The following SLC8A1 variants were observed in gnomAD, a reference collection of about 807,000 sequenced individuals.
The protein encoded by SLC8A1 is sodium/calcium exchanger 1.
Under a neutral mutation model 68.3 loss-of-function variants are expected in SLC8A1, and 18 were observed. That is an observed-to-expected ratio of 0.26 (90% confidence interval 0.18 to 0.39). The LOEUF (loss-of-function observed/expected upper bound fraction) is 0.39, where lower values mean the gene tolerates loss of function less well. SLC8A1 is among the 10% of genes least tolerant of loss of function. SLC8A1 has a pLI of 1.00. For synonymous variants in SLC8A1, 475 were observed against 415.5 expected (o/e 1.14, Z -1.74); for missense variants, 985 against 1,156.7 (o/e 0.85, Z 2.15).
chr2:40,270,388 A>G (rs1325299188), intron 2 of SLC8A1, among the ~76,000 whole-genome samples: 3 of 152,256 alleles, frequency 2.0e-5, no homozygotes, highest in Non-Finnish European at 4.4e-5. Context: ...AGTCTGACAC[A>G]GGTCTTACTA....
At chr2:40,234,721 A>C (rs906566857) in intron 2 of SLC8A1, among the ~76,000 whole-genome samples, 1 of 152,192 alleles carries the variant, frequency 6.6e-6, no homozygotes, top group Non-Finnish European at 1.5e-5. Context: ...ATTCAGTATG[A>C]TAGTGGCTGT....
upstream of SLC8A1, among the ~76,000 whole-genome samples, chr2:40,454,754 G>A (rs944811602): frequency 6.6e-6 from 1 of 151,984 alleles, no homozygotes. Flanking sequence ...ATGGTTCCAG[G>A]GCCCCAAGGC....
At chr2:40,161,652 CCAAA>C (rs1421636170) in intron 5 of SLC8A1, among the ~76,000 whole-genome samples, 8 of 152,124 alleles carry the variant, frequency 5.3e-5, no homozygotes, top group Admixed American at 6.5e-5. Context: ...ACAAGAGCAG[CCAAA>C]CATTCACGAG....
At chr2:40,312,869 G>A (rs2073915991) in intron 2 of SLC8A1, among the ~76,000 whole-genome samples, 1 of 151,972 alleles carries the variant, frequency 6.6e-6, no homozygotes, top group African/African-American at 2.4e-5. Flanking sequence ...TTTTTTAACA[G>A]CTTTATTTGA....
chr2:40,233,316 T>C (rs1398322640), intron 2 of SLC8A1, among the ~76,000 whole-genome samples: 1 of 152,144 alleles, frequency 6.6e-6, no homozygotes, highest in Non-Finnish European at 1.5e-5. Context: ...TGGTATCTCA[T>C]GGTTTTGATT....
At chr2:40,278,692 C>T (rs1026683411) in intron 2 of SLC8A1, among the ~76,000 whole-genome samples, 69 of 152,076 alleles carry the variant, frequency 4.5e-4, no homozygotes, top group African/African-American at 1.5e-3. Flanking sequence ...ATGAGGCACA[C>T]TGATGGGGTA....
At chr2:40,400,471 G>C (rs1387565744) in intron 2 of SLC8A1, among the ~76,000 whole-genome samples, 7 of 152,188 alleles carry the variant, frequency 4.6e-5, no homozygotes, top group Admixed American at 2.6e-4. Flanking sequence ...CGTGGCAAAT[G>C]TATTTCAAAT....
chr2:40,438,877 G>A (rs917581099), intron 1 of SLC8A1, among the ~76,000 whole-genome samples: 6 of 152,284 alleles, frequency 3.9e-5, no homozygotes, highest in South Asian at 2.1e-4. Flanking sequence ...AAGGCAGAAA[G>A]AGCAGAACTG....
intron 1 of SLC8A1, among the ~76,000 whole-genome samples, chr2:40,504,965 T>A (rs1576682808): frequency 6.6e-6 from 1 of 151,748 alleles, no homozygotes; most frequent in Non-Finnish European, 1.5e-5. Context: ...TTATATACCC[T>A]GCAAAAAAGG....
intron 1 of SLC8A1, among the ~76,000 whole-genome samples, chr2:40,444,306 C>T (rs1701041368): frequency 6.6e-6 from 1 of 152,010 alleles, no homozygotes; most frequent in Non-Finnish European, 1.5e-5. Context: ...GCCACTGCAC[C>T]CCAGCCTGGG....
chr2:40,293,336 T>A (rs1373454226), intron 2 of SLC8A1, among the ~76,000 whole-genome samples: 1 of 152,128 alleles, frequency 6.6e-6, no homozygotes, highest in African/African-American at 2.4e-5. Flanking sequence ...TAAAGAATTT[T>A]AAAAAATAAA....
intron 7 of SLC8A1, among the ~76,000 whole-genome samples, chr2:40,116,327 T>G (rs2035374021): frequency 6.6e-6 from 1 of 152,214 alleles, no homozygotes; most frequent in Admixed American, 6.5e-5. Flanking sequence ...TTTTTTATTA[T>G]TATACTTTAA....
chr2:40,299,176 T>C (rs1013253320), intron 2 of SLC8A1, among the ~76,000 whole-genome samples: 3 of 152,288 alleles, frequency 2.0e-5, no homozygotes, highest in Admixed American at 6.5e-5. Flanking sequence ...GTGAGGCTGT[T>C]GGGCTGCACC....
chr2:40,143,265 C>T (rs957507779), intron 6 of SLC8A1, among the ~76,000 whole-genome samples: 1 of 152,296 alleles, frequency 6.6e-6, no homozygotes, highest in Middle Eastern at 3.4e-3. Context: ...ACCATCTGGA[C>T]TACACTTAAA....
intron 2 of SLC8A1, among the ~76,000 whole-genome samples, chr2:40,285,189 G>T (rs1278224439): frequency 1.3e-5 from 2 of 152,162 alleles, no homozygotes; most frequent in East Asian, 1.9e-4. Context: ...AACCTGAGAA[G>T]ATCGCAGTTA....
At chr2:40,161,477 G>C (rs1008945301) in intron 5 of SLC8A1, among the ~76,000 whole-genome samples, 1 of 152,096 alleles carries the variant, frequency 6.6e-6, no homozygotes, top group African/African-American at 2.4e-5. Context: ...TACAAGAAAA[G>C]TTCAGTTCTT....
chr2:40,306,968 A>G (rs887586076), intron 2 of SLC8A1, among the ~76,000 whole-genome samples: 8 of 152,162 alleles, frequency 5.3e-5, no homozygotes, highest in African/African-American at 1.2e-4. Flanking sequence ...GTTTTAGTCC[A>G]TAAGTTGAAA....
intron 2 of SLC8A1, among the ~76,000 whole-genome samples, chr2:40,327,775 G>C (rs964575350): frequency 2.0e-5 from 3 of 152,010 alleles, no homozygotes; most frequent in Non-Finnish European, 2.9e-5. Flanking sequence ...GGGAGAAAAG[G>C]GCTGAACAAC....
intron 2 of SLC8A1, among the ~76,000 whole-genome samples, chr2:40,327,065 G>A (rs1048524268): frequency 6.6e-6 from 1 of 152,118 alleles, no homozygotes; most frequent in African/African-American, 2.4e-5. Flanking sequence ...AAAAAGAAAA[G>A]AAACTACTTA....
Sources: gnomAD v4.1 joint callset for allele counts (sites outside exome capture counted in the v4.1 genomes callset) on GRCh38, gnomAD v4.1.1 for gene constraint, MANE v1.5 for transcripts, NCBI Gene and HGNC (gene_info 2026-07-23, HGNC 2026-07-21) for gene names.